The following HIF1A variants were observed in gnomAD, a reference collection of about 807,000 sequenced individuals.
The protein encoded by HIF1A is hypoxia-inducible factor 1-alpha.
Under a neutral mutation model 92.7 loss-of-function variants are expected in HIF1A, and 24 were observed. The observed-to-expected ratio is 0.26, with a 90% CI of 0.19 to 0.36. The LOEUF (loss-of-function observed/expected upper bound fraction) is 0.36. Ranked by LOEUF, HIF1A falls within the 10% of genes least tolerant of loss-of-function variation. The pLI is 1.00. For missense variants in HIF1A, 799 were observed against 998.5 expected (o/e 0.80, Z 2.69); for synonymous variants, 319 against 338.7 (o/e 0.94, Z 0.64).
intron 8 of HIF1A, among the ~76,000 whole-genome samples, chr14:61,734,971 G>T (rs1312577023): frequency 1.3e-5 from 2 of 152,146 alleles, no homozygotes; most frequent in Non-Finnish European, 2.9e-5. Context: ...CATGGCTCTT[G>T]TATATTCATG....
At chr14:61,726,359 GTTCT>G (rs758732763) in intron 4 of HIF1A, 66 of 159,902 alleles carry the variant, frequency 4.1e-4, no homozygotes, top group Admixed American at 9.0e-4. Flanking sequence ...GTTTGCTGAA[GTTCT>G]TTCTTTAGGG....
At chr14:61,736,450 G>C (rs1168626914) in intron 8 of HIF1A, among the ~76,000 whole-genome samples, 4 of 152,074 alleles carry the variant, frequency 2.6e-5, no homozygotes, top group African/African-American at 9.7e-5. Flanking sequence ...CAGGTAGTGA[G>C]CATAATACCC....
At chr14:61,723,466 T>A (rs750003282) in intron 4 of HIF1A, among the ~76,000 whole-genome samples, 43 of 152,216 alleles carry the variant, frequency 2.8e-4, no homozygotes, top group Non-Finnish European at 5.7e-4. Context: ...GCGCTTTTCA[T>A]ATTCTTGAAT....
chr14:61,736,425 A>G (rs2044638794), intron 8 of HIF1A, among the ~76,000 whole-genome samples: 1 of 152,096 alleles, frequency 6.6e-6, no homozygotes, highest in African/African-American at 2.4e-5. Context: ...TTGGGGTACA[A>G]TTGATCCTGT....
intron 1 of HIF1A, among the ~76,000 whole-genome samples, chr14:61,696,199 C>T (rs1051221399): frequency 1.3e-5 from 2 of 152,262 alleles, no homozygotes; most frequent in African/African-American, 4.8e-5. Flanking sequence ...GCCTGAAAAC[C>T]CCGGGAAGAG....
chr14:61,724,203 A>G (rs2044470160), intron 4 of HIF1A, among the ~76,000 whole-genome samples: 1 of 151,610 alleles, frequency 6.6e-6, no homozygotes, highest in African/African-American at 2.4e-5. Flanking sequence ...GCAGGTCCCC[A>G]TTCAAAGGCC....
chr14:61,737,510 T>C (rs568972685), intron 9 of HIF1A, among the ~76,000 whole-genome samples: 6 of 152,246 alleles, frequency 3.9e-5, no homozygotes, highest in African/African-American at 1.4e-4. Flanking sequence ...AATTTTAAAG[T>C]AGAGAACATT....
At chr14:61,745,195 T>C (rs1423318724) in intron 13 of HIF1A, among the ~76,000 whole-genome samples, 1 of 151,982 alleles carries the variant, frequency 6.6e-6, no homozygotes, top group African/African-American at 2.4e-5. Flanking sequence ...GAGGCCAAGA[T>C]GAGGATCACT....
At chr14:61,722,681 C>A (rs2044448303) in intron 4 of HIF1A, among the ~76,000 whole-genome samples, 1 of 152,174 alleles carries the variant, frequency 6.6e-6, no homozygotes, top group Non-Finnish European at 1.5e-5. Flanking sequence ...TTAAGACAAA[C>A]AACTGCTTAT....
Position 61,697,449 on chromosome 14 carries a change from A to G in HIF1A, c.35+1610A>G, listed in dbSNP as rs919906783. Among the ~76,000 whole-genome samples the G allele has an allele frequency of 7.9e-5, 12 of 152,336 alleles. 1 individual carries two copies. The highest frequency in any genetic ancestry group is 6.8e-3 in the Middle Eastern group (2 of 294). ...CATACTTAATACAATGCATTAAATT[A>G]TGTACCACTTTTTTTATATACAGTA... On this transcript the variant is annotated intron_variant, in intron 1 of 14. Coordinates refer to ENST00000337138, the MANE Select transcript of HIF1A (RefSeq NM_001530.4).
chr14:61,698,897 T>G (rs2044145645), intron 1 of HIF1A: 1 of 152,234 alleles, frequency 6.6e-6, no homozygotes, highest in African/African-American at 2.4e-5. Flanking sequence ...CTAGTCTTAC[T>G]GTTCATTTAA....
chr14:61,701,060 A>G (rs903594305), intron 1 of HIF1A, among the ~76,000 whole-genome samples: 1 of 152,238 alleles, frequency 6.6e-6, no homozygotes, highest in African/African-American at 2.4e-5. Context: ...AAAATAGTGT[A>G]CACCTGTTCT....
Position 61,695,801 on chromosome 14 carries a change from C to A in HIF1A, c.-4C>A. 1 of 1,597,178 alleles carries A rather than the reference C, an allele frequency of 6.3e-7. No homozygotes were observed. Among genetic ancestry groups the A allele is most frequent in the Non-Finnish European group, 8.5e-7 (1 of 1,173,446 alleles). ...CGTGAAGACATCGCGGGGACCGATT[C>A]ACCATGGAGGGCGCCGGCGGCGCGA... On this transcript the variant is annotated 5_prime_UTR_variant, in exon 1 of 15. Coordinates refer to ENST00000337138, the MANE Select transcript of HIF1A (RefSeq NM_001530.4).
chr14:61,696,010 C>T (rs553774297), intron 1 of HIF1A, among the ~76,000 whole-genome samples, 171 bp downstream of exon 1: 1 of 152,250 alleles, frequency 6.6e-6, no homozygotes, highest in Non-Finnish European at 1.5e-5. Context: ...CCGGGCTCCC[C>T]CGCTGTCCAC....
At chr14:61,697,147 T>C (rs1484733179) in intron 1 of HIF1A, among the ~76,000 whole-genome samples, 1 of 152,190 alleles carries the variant, frequency 6.6e-6, no homozygotes, top group East Asian at 1.9e-4. Flanking sequence ...GATAAACTTG[T>C]TTATATTCCT....
chr14:61,736,740 A>G, intron 8 of HIF1A, 149 bp from the exon 9 acceptor site: 1 of 601,734 alleles, frequency 1.7e-6, no homozygotes, highest in Non-Finnish European at 3.0e-6. Context: ...AATGTGACAC[A>G]GTACGCATGA....
intron 1 of HIF1A, among the ~76,000 whole-genome samples, chr14:61,713,009 G>C (rs938615930): frequency 2.6e-5 from 4 of 151,346 alleles, no homozygotes; most frequent in African/African-American, 9.7e-5. Context: ...ATCTTTAAAA[G>C]TTTCTCTTAT....
chr14:61,721,363 C>CT (rs2044424909), intron 2 of HIF1A, 146 bp from the exon 3 acceptor site: 3 of 578,836 alleles, frequency 5.2e-6, no homozygotes, highest in Middle Eastern at 4.7e-4. Context: ...GTTTTTCTAG[C>CT]TTCTGGCCTG....
chr14:61,719,503 G>A (rs2044401693), intron 1 of HIF1A, among the ~76,000 whole-genome samples: 1 of 152,192 alleles, frequency 6.6e-6, no homozygotes, highest in Non-Finnish European at 1.5e-5. Flanking sequence ...CTAGTACAGG[G>A]TAATGTTGGC....
Sources: allele counts gnomAD v4.1 joint callset (sites outside exome capture counted in the v4.1 genomes callset), GRCh38; gene constraint gnomAD v4.1.1; transcripts MANE v1.5; gene names NCBI Gene and HGNC (gene_info 2026-07-23, HGNC 2026-07-21).